Variants in ANKFN1 observed in about 807,000 individuals in gnomAD.
ANKFN1 encodes the protein ankyrin repeat and fibronectin type-III domain-containing protein 1.
Under a neutral mutation model 108.7 loss-of-function variants are expected in ANKFN1, and 74 were observed. The ratio of observed to expected loss-of-function variants is 0.68; its 90% confidence interval spans 0.56 to 0.83. ANKFN1 has a LOEUF of 0.83. Among genes scored for constraint, ANKFN1 ranks in the 40% least tolerant of loss-of-function variants. The pLI is 0.00. For synonymous variants in ANKFN1, 547 were observed against 516.2 expected (o/e 1.06, Z -0.81); for missense variants, 1,505 against 1,382.3 (o/e 1.09, Z -1.41).
At chr17:56,302,837 G>A (rs796199725) in intron 3 of ANKFN1, among the ~76,000 whole-genome samples, 17 of 152,252 alleles carry the variant, frequency 1.1e-4, no homozygotes, top group African/African-American at 4.1e-4. Flanking sequence ...ATCTTTCTGT[G>A]TCAAGTAATA....
intron 11 of ANKFN1, among the ~76,000 whole-genome samples, chr17:56,455,284 G>C (rs548978188): frequency 6.6e-6 from 1 of 152,242 alleles, no homozygotes; most frequent in African/African-American, 2.4e-5. Context: ...TTGGGGAAAG[G>C]GTAGTATGTA....
At chr17:56,241,532 C>T (rs1917583616) in intron 3 of ANKFN1, among the ~76,000 whole-genome samples, 1 of 152,086 alleles carries the variant, frequency 6.6e-6, no homozygotes, top group Non-Finnish European at 1.5e-5. Context: ...GACCCAAAGG[C>T]ACATTCTCTT....
chr17:56,480,205 C>T (rs1024733172), intron 16 of ANKFN1, among the ~76,000 whole-genome samples: 17 of 152,240 alleles, frequency 1.1e-4, no homozygotes, highest in Admixed American at 9.8e-4. Flanking sequence ...ACCAAAATAT[C>T]CCCCATGATT....
At chr17:56,313,200 G>A (rs1182938362) in intron 3 of ANKFN1, among the ~76,000 whole-genome samples, 6 of 151,722 alleles carry the variant, frequency 4.0e-5, no homozygotes, top group Admixed American at 3.9e-4. Flanking sequence ...AAAGATTAAT[G>A]GACATGAGGG....
At chr17:56,498,826 A>T in intron 19 of ANKFN1, 56 bp from the exon 20 acceptor site, 1 of 1,398,878 alleles carries the variant, frequency 7.1e-7, no homozygotes, top group Non-Finnish European at 9.8e-7. Flanking sequence ...AGGGAAATGT[A>T]TTCCTTTTTA....
chr17:56,064,595 A>G (rs1026871390), intron 4 of ANKFN1, among the ~76,000 whole-genome samples: 2 of 152,230 alleles, frequency 1.3e-5, no homozygotes, highest in African/African-American at 4.8e-5. Context: ...CAGCAGGGGA[A>G]AAGCACAGCC....
chr17:56,193,403 T>TAA (rs201101296), intron 1 of ANKFN1, among the ~76,000 whole-genome samples: 6 of 141,168 alleles, frequency 4.3e-5, no homozygotes, highest in African/African-American at 1.3e-4. Flanking sequence ...AAAGTATAAT[T>TAA]AAAAAAAAAA....
intron 4 of ANKFN1, among the ~76,000 whole-genome samples, chr17:56,075,035 A>T (rs989406756): frequency 4.6e-5 from 7 of 152,226 alleles, no homozygotes; most frequent in Non-Finnish European, 1.5e-5. Flanking sequence ...GGTCCAGATT[A>T]AAAATGATAT....
chr17:56,513,531 C>G lies in ANKFN1; in HGVS notation c.*2262C>G, dbSNP rs768507594. 1.1e-4 allele frequency among the ~76,000 whole-genome samples: 17 copies of G among 151,952 alleles called. No homozygotes were observed. The highest frequency in any genetic ancestry group is 2.4e-4 in the Non-Finnish European group (16 of 67,988). On this transcript the variant is annotated 3_prime_UTR_variant, in exon 21 of 21. Transcript: ENST00000682825. ...CTAGGATTGTGAAAAACTAAGAATC[C>G]AAGGTATTTCCTGATCCTGATCATT...
At chr17:56,108,320 C>T (rs1303565966) in intron 4 of ANKFN1, among the ~76,000 whole-genome samples, 1 of 152,166 alleles carries the variant, frequency 6.6e-6, no homozygotes, top group Non-Finnish European at 1.5e-5. Flanking sequence ...AGGTGTGAGC[C>T]ACGGCGCCTG....
intron 4 of ANKFN1, among the ~76,000 whole-genome samples, chr17:56,060,662 G>A (rs1047365052): frequency 2.0e-5 from 3 of 152,092 alleles, no homozygotes; most frequent in Non-Finnish European, 4.4e-5. Flanking sequence ...TTTTATCAAA[G>A]GCCTTTTCTA....
intron 4 of ANKFN1, among the ~76,000 whole-genome samples, chr17:56,146,687 G>T (rs1908278173): frequency 6.6e-6 from 1 of 152,214 alleles, no homozygotes; most frequent in Non-Finnish European, 1.5e-5. Context: ...ACTGTGTGCT[G>T]AGGCTGTATA....
At chr17:56,256,710 A>G (rs2043367090) in intron 3 of ANKFN1, among the ~76,000 whole-genome samples, 1 of 152,226 alleles carries the variant, frequency 6.6e-6, no homozygotes, top group Non-Finnish European at 1.5e-5. Flanking sequence ...AATATTTATA[A>G]CAAATCTACA....
intron 3 of ANKFN1, among the ~76,000 whole-genome samples, chr17:56,253,580 A>G (rs545218360): frequency 1.4e-4 from 21 of 152,258 alleles, no homozygotes; most frequent in African/African-American, 5.1e-4. Context: ...TCTACTAAAC[A>G]TACAAAAATT....
intron 4 of ANKFN1, among the ~76,000 whole-genome samples, chr17:56,055,026 G>A (rs1042095524): frequency 6.6e-6 from 1 of 151,286 alleles, no homozygotes; most frequent in Non-Finnish European, 1.5e-5. Flanking sequence ...GGTGGTGGTT[G>A]TTGAAGGTTG....
At chr17:56,215,799 C>T (rs1915382303) in intron 2 of ANKFN1, 3 of 152,346 alleles carry the variant, frequency 2.0e-5, no homozygotes, top group Admixed American at 2.0e-4. Context: ...CACAGAGCCC[C>T]ACAAATGAAG....
chr17:56,425,846 C>T (rs962130895), intron 8 of ANKFN1, among the ~76,000 whole-genome samples: 1 of 152,186 alleles, frequency 6.6e-6, no homozygotes, highest in African/African-American at 2.4e-5. Flanking sequence ...ACTTGACCGT[C>T]TCGCTTCCCA....
chr17:56,174,294 C>T (rs887273131), intron 1 of ANKFN1: 141 of 985,492 alleles, frequency 1.4e-4, no homozygotes, highest in Non-Finnish European at 1.7e-4. Flanking sequence ...AAGCCTCAGG[C>T]AGCCTAGCCA....
At position 56,511,207 on chromosome 17, in the gene ANKFN1, G is replaced by A. The variant is rs1452095333; in HGVS notation, c.3379G>A (p.Asp1127Asn). The A allele has an allele frequency of 6.5e-7, 1 of 1,535,254 alleles. No individual in the cohort carries two copies. Among genetic ancestry groups the A allele is most frequent in the Non-Finnish European group, 8.7e-7 (1 of 1,146,404 alleles). The change falls in exon 21 of 21, where the codon GAT (aspartate) becomes AAT (asparagine). Residue 1127 changes from aspartate (D) to asparagine (N), a missense_variant. By Grantham distance (23) the Asp-to-Asn change is conservative. Coordinates refer to ENST00000682825, the MANE Select transcript of ANKFN1 (RefSeq NM_001370326.1). Reference protein sequence around the residue: ...RITLPSPTGPDVSQEGPTASP... With the variant: ...RITLPSPTGPNVSQEGPTASP... ...CACCCTGCCCAGCCCCACTGGCCCC[G>A]ATGTGAGTCAGGAGGGCCCCACCGC...
Sources: allele counts gnomAD v4.1 joint callset (sites outside exome capture counted in the v4.1 genomes callset), GRCh38; gene constraint gnomAD v4.1.1; transcripts MANE v1.5; gene names NCBI Gene and HGNC (gene_info 2026-07-23, HGNC 2026-07-21).